Variants in FOXP2 observed in about 807,000 individuals in gnomAD.
FOXP2 encodes the protein forkhead box protein P2.
Under a neutral mutation model 115.8 loss-of-function variants are expected in FOXP2, and 12 were observed. The observed-to-expected ratio is 0.10, with a 90% CI of 0.07 to 0.17. The LOEUF is 0.17. Ranked by LOEUF, FOXP2 falls within the 10% of genes least tolerant of loss-of-function variation. The probability of loss-of-function intolerance (pLI) is 1.00; values close to 1 mark genes in which losing one functional copy is unlikely to be tolerated. For synonymous variants in FOXP2, 328 were observed against 297.7 expected, an observed-to-expected ratio of 1.10 and a Z score of -1.05; for missense variants, 629 against 843.5, an observed-to-expected ratio of 0.75 and a Z score of 3.15.
intron 1 of FOXP2, among the ~76,000 whole-genome samples, chr7:114,198,625 T>G (rs1479183502): frequency 6.6e-6 from 1 of 152,186 alleles, no homozygotes; most frequent in African/African-American, 2.4e-5. Context: ...AAATGGTCAC[T>G]TGGCGGGGCT....
At chr7:114,408,824 A>G (rs1562908488) in intron 2 of FOXP2, among the ~76,000 whole-genome samples, 1 of 152,152 alleles carries the variant, frequency 6.6e-6, no homozygotes, top group Non-Finnish European at 1.5e-5. Context: ...TAAAGAAAGT[A>G]CTTGGTACTT....
chr7:114,432,108 A>C (rs188918512), intron 2 of FOXP2, among the ~76,000 whole-genome samples: 2 of 151,958 alleles, frequency 1.3e-5, no homozygotes, highest in African/African-American at 2.4e-5. Context: ...GTACCCACAC[A>C]GTATGCAACA....
chr7:114,594,310 G>C (rs895225884), intron 3 of FOXP2, among the ~76,000 whole-genome samples: 2 of 151,916 alleles, frequency 1.3e-5, no homozygotes, highest in African/African-American at 4.8e-5. Flanking sequence ...GTTCTATTTA[G>C]GTGAATAATC....
chr7:114,422,335 AT>A (rs1198141233), intron 1 of FOXP2, among the ~76,000 whole-genome samples: 3 of 150,072 alleles, frequency 2.0e-5, no homozygotes, highest in East Asian at 2.0e-4. Flanking sequence ...CTGGGAAGTC[AT>A]TTTTTTTTCA....
chr7:114,386,386 A>T (rs1435545203), intron 2 of FOXP2, among the ~76,000 whole-genome samples: 1 of 152,216 alleles, frequency 6.6e-6, no homozygotes, highest in Admixed American at 6.5e-5. Context: ...GATCTAGAAA[A>T]ACAAAAGCAC....
rs181074124 is a variant in FOXP2, at chr7:114,446,648, C to T, written c.168+19969C>T. Among the ~76,000 whole-genome samples the T allele has an allele frequency of 2.8e-4, 42 of 152,002 alleles. No homozygotes were observed. In the East Asian group the frequency reaches 8.1e-3, roughly 29 times the overall value. ...TCCCATTAAAAGATATGCCAGTAAA[C>T]CCATCAATGCAAAATAAAAATTGCA... On this transcript the variant is annotated intron_variant, in intron 2 of 16. Transcript: ENST00000350908.
chr7:114,272,045 A>T (rs1486836476), intron 1 of FOXP2, among the ~76,000 whole-genome samples: 1 of 141,196 alleles, frequency 7.1e-6, no homozygotes, highest in Non-Finnish European at 1.5e-5. Flanking sequence ...TAATATAAAT[A>T]TGTATAAATA....
At chr7:114,151,147 GT>G (rs1192160976) in intron 1 of FOXP2, among the ~76,000 whole-genome samples, 6 of 151,854 alleles carry the variant, frequency 4.0e-5, no homozygotes, top group Non-Finnish European at 4.4e-5. Context: ...ATGTAAACCA[GT>G]TGTCTGCAGG....
At chr7:114,251,129 G>A (rs1322473276) in intron 1 of FOXP2, among the ~76,000 whole-genome samples, 1 of 152,094 alleles carries the variant, frequency 6.6e-6, no homozygotes, top group Non-Finnish European at 1.5e-5. Flanking sequence ...TTATTTCTGA[G>A]GGCTCTGTTC....
rs149980022 is a variant in FOXP2 at position 114,311,143 on chromosome 7, A to G, written c.-11+23034A>G. ...GGCTGTGACCAATTATTTTAGAGAG[A>G]TGGTTAACAACCACCTGACCATCAC... On this transcript the variant is annotated intron_variant, in intron 2 of 17. Transcript: ENST00000634411. Among the ~76,000 whole-genome samples, 3 of 152,156 alleles carry G rather than the reference A, an allele frequency of 2.0e-5. No homozygotes were observed. In the East Asian group the frequency reaches 5.8e-4, roughly 29 times the overall value.
intron 2 of FOXP2, among the ~76,000 whole-genome samples, chr7:114,462,016 G>A (rs1795580184): frequency 6.6e-6 from 1 of 151,874 alleles, no homozygotes; most frequent in Non-Finnish European, 1.5e-5. Flanking sequence ...CGCAGTGGCT[G>A]ACGCCTGTAA....
intron 1 of FOXP2, among the ~76,000 whole-genome samples, chr7:114,094,847 A>G (rs914412462): frequency 6.6e-6 from 1 of 151,876 alleles, no homozygotes; most frequent in Non-Finnish European, 1.5e-5. Flanking sequence ...TTTTATAAAG[A>G]TGAGGTCTCG....
At chr7:114,525,919 C>T (rs1798834831) in intron 2 of FOXP2, among the ~76,000 whole-genome samples, 1 of 151,876 alleles carries the variant, frequency 6.6e-6, no homozygotes, top group Non-Finnish European at 1.5e-5. Context: ...TCAGACCAGC[C>T]TGAGCAATGT....
chr7:114,676,298 A>G (rs1393317805), intron 16 of FOXP2, among the ~76,000 whole-genome samples: 1 of 152,118 alleles, frequency 6.6e-6, no homozygotes, highest in South Asian at 2.1e-4. Flanking sequence ...TAAATTAAGT[A>G]GAAGTAAGGA....
At chr7:114,306,390 A>G (rs911111122) in intron 2 of FOXP2, among the ~76,000 whole-genome samples, 7 of 152,160 alleles carry the variant, frequency 4.6e-5, no homozygotes, top group African/African-American at 1.7e-4. Context: ...TCAGCTAGGG[A>G]TATCTGCTAC....
intron 6 of FOXP2, 110 bp downstream of exon 6, chr7:114,631,815 T>G: frequency 1.8e-6 from 2 of 1,115,504 alleles, no homozygotes; most frequent in Non-Finnish European, 2.7e-6. Flanking sequence ...CTTTCAAATT[T>G]ATTATTAAAA....
At chr7:114,097,617 A>G (rs189335397) in intron 1 of FOXP2, among the ~76,000 whole-genome samples, 107 of 152,304 alleles carry the variant, frequency 7.0e-4, no homozygotes, top group African/African-American at 2.6e-3. Flanking sequence ...ACTGGTTAAT[A>G]CTTTCTAAGA....
At chr7:114,188,696 C>T (rs1022355499) in intron 1 of FOXP2, among the ~76,000 whole-genome samples, 4 of 152,144 alleles carry the variant, frequency 2.6e-5, no homozygotes, top group Non-Finnish European at 5.9e-5. Context: ...CTCAGGTGAT[C>T]TTCCCACCTC....
At chr7:114,240,089 G>A (rs1438292664) in intron 1 of FOXP2, among the ~76,000 whole-genome samples, 1 of 152,046 alleles carries the variant, frequency 6.6e-6, no homozygotes, top group Non-Finnish European at 1.5e-5. Context: ...AAATATTCAC[G>A]TGATCAAGAC....
Sources: gnomAD v4.1 joint callset for allele counts (sites outside exome capture counted in the v4.1 genomes callset) on GRCh38, gnomAD v4.1.1 for gene constraint, MANE v1.5 for transcripts, NCBI Gene and HGNC (gene_info 2026-07-23, HGNC 2026-07-21) for gene names.